Variants in TRAF3IP1 observed in about 807,000 individuals in gnomAD.
TRAF3IP1 encodes the protein TRAF3-interacting protein 1.
TRAF3IP1 carries 53 observed loss-of-function variants against 89.9 expected under a neutral mutation model. The ratio of observed to expected loss-of-function variants is 0.59; its 90% CI spans 0.47 to 0.74. TRAF3IP1 has a LOEUF of 0.74. Among genes scored for constraint, TRAF3IP1 ranks in the 30% least tolerant of loss-of-function variants. TRAF3IP1 has a pLI of 0.00. For missense variants in TRAF3IP1, 806 were observed against 866.1 expected (o/e 0.93, Z 0.87); for synonymous variants, 311 against 322.1 (o/e 0.97, Z 0.37).
rs1228076184 is a variant in TRAF3IP1, at chr2:238,361,331, C to G, written c.1689+5251C>G. Among the ~76,000 whole-genome samples, 3 of 152,140 alleles carry G rather than the reference C, an allele frequency of 2.0e-5. No individual in the cohort carries two copies. The East Asian group carries it at 5.8e-4, about 29-fold the overall frequency. On this transcript the variant is annotated intron_variant, in intron 15 of 16. Transcript: ENST00000373327. The stretch of plus-strand genomic sequence containing the variant: ...AAGTGAACCACTGCACCTGGCCAAA[C>G]TTTTCTATTTTGATGTAAAATTTAA...
intron 15 of TRAF3IP1, among the ~76,000 whole-genome samples, chr2:238,388,593 C>CTTTTTTTTT (rs752954955): frequency 2.9e-5 from 3 of 104,198 alleles, no homozygotes; most frequent in African/African-American, 1.0e-4. Flanking sequence ...AAGAACACAA[C>CTTTTTTTTT]TTTTTTTTTT....
chr2:238,341,319 G>C (rs1698642449), intron 8 of TRAF3IP1, among the ~76,000 whole-genome samples: 1 of 151,762 alleles, frequency 6.6e-6, no homozygotes, highest in African/African-American at 2.4e-5. Context: ...AGCAGACCCA[G>C]CATATAGTTA....
At chr2:238,388,355 ACAGAGGGAGAC>A (rs1318623949) in intron 15 of TRAF3IP1, among the ~76,000 whole-genome samples, 2 of 145,336 alleles carry the variant, frequency 1.4e-5, no homozygotes, top group African/African-American at 5.0e-5. Context: ...AGCCTGAGGG[ACAGAGGGAGAC>A]CCTGTCTCAA....
intron 15 of TRAF3IP1, among the ~76,000 whole-genome samples, chr2:238,361,919 G>C (rs562316383): frequency 1.3e-5 from 2 of 152,312 alleles, no homozygotes; most frequent in South Asian, 4.1e-4. Context: ...ATCTTTTGCT[G>C]TCTACAATCT....
Position 238,345,101 on chromosome 2 carries a change from C to T in TRAF3IP1, c.1261+503C>T, listed in dbSNP as rs1265277837. Among the ~76,000 whole-genome samples the T allele has an allele frequency of 6.6e-6, 1 of 152,216 alleles. No homozygotes were observed. The highest frequency in any genetic ancestry group is 1.5e-5 in the Non-Finnish European group (1 of 68,048). On this transcript the variant is annotated intron_variant, in intron 9 of 16. Coordinates refer to ENST00000373327, the MANE Select transcript of TRAF3IP1 (RefSeq NM_015650.4). The surrounding 1 kb of genome is among the most constrained non-coding windows in gnomAD (Gnocchi z 4.7). ...GTTTGTGTTTTGAGGCCTTGGAGCTCCTAACAGGCCTGCAAGGGTACCAGT... is the reference window on the plus strand; with the variant it reads ...GTTTGTGTTTTGAGGCCTTGGAGCTTCTAACAGGCCTGCAAGGGTACCAGT...
intron 15 of TRAF3IP1, among the ~76,000 whole-genome samples, chr2:238,373,430 A>T (rs1700189404): frequency 6.6e-6 from 1 of 152,198 alleles, no homozygotes; most frequent in South Asian, 2.1e-4. Context: ...TTTGTCAAAG[A>T]TCAGATGGTT....
chr2:238,392,545 A>G (rs984462142), intron 15 of TRAF3IP1, among the ~76,000 whole-genome samples: 1 of 150,552 alleles, frequency 6.6e-6, no homozygotes, highest in East Asian at 1.9e-4. Context: ...AGGGCCATCC[A>G]GTTTGTTCCA....
chr2:238,374,836 C>T (rs1700250361), intron 15 of TRAF3IP1, among the ~76,000 whole-genome samples: 1 of 152,144 alleles, frequency 6.6e-6, no homozygotes, highest in Non-Finnish European at 1.5e-5. Flanking sequence ...ATATATTCAG[C>T]TTCTTTCTGG....
At chr2:238,328,162 A>G (rs1697931183) in intron 3 of TRAF3IP1, among the ~76,000 whole-genome samples, 1 of 152,190 alleles carries the variant, frequency 6.6e-6, no homozygotes, top group South Asian at 2.1e-4. Flanking sequence ...GAGCTGTTAT[A>G]CTATTTTCCA....
At chr2:238,387,359 C>T (rs951321290) in intron 15 of TRAF3IP1, among the ~76,000 whole-genome samples, 6 of 152,212 alleles carry the variant, frequency 3.9e-5, no homozygotes, top group Non-Finnish European at 8.8e-5. Flanking sequence ...AGTTTTCTAG[C>T]TGCTGCCAGA....
rs1256058213 is a variant in TRAF3IP1 at position 238,320,673 on chromosome 2, C to T, written c.11C>T (p.Ala4Val). The T allele has an allele frequency of 2.1e-6, 3 of 1,395,502 alleles. No individual in the cohort carries two copies. Among genetic ancestry groups the T allele is most frequent in the African/African-American group, 3.0e-5 (2 of 66,454 alleles). The allele number at this position is 1,395,502 out of a possible 1,614,324, so 86.4% of individuals were successfully genotyped here. The change falls in exon 1 of 17, where the codon GCG becomes GTG. Residue 4 changes from alanine (A) to valine (V), a missense_variant. Coordinates refer to ENST00000373327, the MANE Select transcript of TRAF3IP1 (RefSeq NM_015650.4). ...GCGGCGGACGCCGTCATGAACGCGG[C>T]GGTGGTGAGGCGGACGCAGGAGGCG... is the stretch of plus-strand genomic sequence containing the variant. MNA[A>V]VVRRTQEALG...
intron 15 of TRAF3IP1, among the ~76,000 whole-genome samples, chr2:238,359,213 T>C (rs1699556192): frequency 6.6e-6 from 1 of 152,232 alleles, no homozygotes; most frequent in African/African-American, 2.4e-5. Context: ...CTCCTCAAAG[T>C]GGCTGTACCA....
At position 238,372,949 on chromosome 2, in the gene TRAF3IP1, C is replaced by T. The variant is rs181562813; in HGVS notation, c.1689+16869C>T. On this transcript the variant is annotated intron_variant, in intron 15 of 16. Coordinates refer to ENST00000373327, the MANE Select transcript of TRAF3IP1 (RefSeq NM_015650.4). ...TGTCTTCTTTTGAGAAGTGTCTGTT[C>T]ATATCCTTTGCCCACTTTTTGATGG... Among the ~76,000 whole-genome samples, 804 of 152,280 alleles carry T rather than the reference C, an allele frequency of 5.3e-3. 10 individuals carry two copies. Among genetic ancestry groups the T allele is most frequent in the African/African-American group, 0.019 (771 of 41,538 alleles).
intron 14 of TRAF3IP1, among the ~76,000 whole-genome samples, chr2:238,354,136 A>T (rs1257695035): frequency 3.9e-5 from 6 of 152,116 alleles, no homozygotes; most frequent in Non-Finnish European, 2.9e-5. Flanking sequence ...TTTTCTTATT[A>T]ATGTTCAGAT....
In TRAF3IP1 at chr2:238,379,074, G is replaced by A. The variant is rs965860531; in HGVS notation, c.1690-18385G>A. 2.0e-5 allele frequency among the ~76,000 whole-genome samples: 3 copies of A among 152,272 alleles called. No homozygotes were observed. Among genetic ancestry groups the A allele is most frequent in the African/African-American group, 7.2e-5 (3 of 41,570 alleles). ...AGCCGCCCTGTGTCAGGTGCTCAGCGGAACCCCAGACTTGTTCTCCTTGTT... is the reference window on the plus strand; with the variant it reads ...AGCCGCCCTGTGTCAGGTGCTCAGCAGAACCCCAGACTTGTTCTCCTTGTT... On this transcript the variant is annotated intron_variant, in intron 15 of 16. Coordinates refer to ENST00000373327, the MANE Select transcript of TRAF3IP1 (RefSeq NM_015650.4). This position sits in a 1 kb window ranked among gnomAD's most constrained non-coding sequence, Gnocchi z 4.0.
At chr2:238,370,495 C>T (rs1226470782) in intron 15 of TRAF3IP1, among the ~76,000 whole-genome samples, 1 of 152,126 alleles carries the variant, frequency 6.6e-6, no homozygotes, top group Non-Finnish European at 1.5e-5. Context: ...GCCCTCCCTA[C>T]CTGGTCTCCC....
chr2:238,353,283 A>G, intron 14 of TRAF3IP1, 74 bp downstream of exon 14: 2 of 1,539,574 alleles, frequency 1.3e-6, no homozygotes, highest in Non-Finnish European at 1.8e-6. Context: ...TGGGCCTGGA[A>G]GGATCCAGTG....
intron 15 of TRAF3IP1, among the ~76,000 whole-genome samples, chr2:238,382,995 C>T (rs1161442983): frequency 6.6e-6 from 1 of 152,078 alleles, no homozygotes; most frequent in African/African-American, 2.4e-5. Context: ...GGATCAAGTC[C>T]GAAATCCTCA....
In TRAF3IP1 at chr2:238,320,670, C is replaced by A; in HGVS notation, c.8C>A (p.Ala3Glu). The A allele has an allele frequency of 3.6e-6, 5 of 1,392,198 alleles. No individual in the cohort carries two copies. Among genetic ancestry groups the A allele is most frequent in the Non-Finnish European group, 4.7e-6 (5 of 1,056,554 alleles). The allele number at this position is 1,392,198 out of a possible 1,614,324, so 86.2% of individuals were successfully genotyped here. A position where few individuals can be genotyped will look rare whatever the true frequency, so the allele number is the denominator to read the frequency against. The part of the protein sequence containing the change: MN[A>E]AVVRRTQEAL... Reference sequence around the variant, plus strand: ...CGGGCGGCGGACGCCGTCATGAACGCGGCGGTGGTGAGGCGGACGCAGGAG... The same window carrying A: ...CGGGCGGCGGACGCCGTCATGAACGAGGCGGTGGTGAGGCGGACGCAGGAG... Residue 3 changes from alanine (A) to glutamate (E), a missense_variant, in exon 1 of 17, where the codon GCG becomes GAG. Ala to Glu is a moderately radical substitution (Grantham distance 107). Transcript: ENST00000373327.
Sources: gnomAD v4.1 joint callset for allele counts (sites outside exome capture counted in the v4.1 genomes callset) on GRCh38, gnomAD v4.1.1 for gene constraint, Gnocchi (gnomAD v3.1) non-coding constraint, MANE v1.5 for transcripts, NCBI Gene and HGNC (gene_info 2026-07-23, HGNC 2026-07-21) for gene names.